Variants in PRKCA observed in about 807,000 individuals in gnomAD.
PRKCA encodes the protein protein kinase C alpha, also known as protein kinase C alpha type.
A neutral mutation model predicts 87.0 loss-of-function variants in PRKCA; 27 were observed. The observed-to-expected ratio is 0.31, with a 90% CI of 0.23 to 0.43. PRKCA has a LOEUF of 0.43. PRKCA is among the 20% of genes least tolerant of loss of function. The pLI is 1.00. For synonymous variants in PRKCA, 329 were observed against 311.1 expected (o/e 1.06, Z -0.61); for missense variants, 518 against 852.3 (o/e 0.61, Z 4.88).
intron 10 of PRKCA, among the ~76,000 whole-genome samples, chr17:66,735,892 ATTTCT>A (rs1398897879): frequency 1.3e-4 from 18 of 138,972 alleles, no homozygotes; most frequent in African/African-American, 4.2e-4. Flanking sequence ...TTCGGCAAAC[ATTTCT>A]TTTTCTTTTT....
At chr17:66,651,791 C>G (rs8076856) in intron 5 of PRKCA, among the ~76,000 whole-genome samples, 30,767 of 151,956 alleles carry the variant, frequency 0.2, 3,289 homozygotes, top group East Asian at 0.3. Flanking sequence ...TGTTGGTGAT[C>G]CTGCATTTGA....
chr17:66,561,144 C>T (rs962345048), intron 3 of PRKCA, among the ~76,000 whole-genome samples: 1 of 152,168 alleles, frequency 6.6e-6, no homozygotes, highest in Non-Finnish European at 1.5e-5. Context: ...TGTTAAATTA[C>T]ACTGATGGGA....
At chr17:66,355,399 G>A (rs2143448075) in intron 2 of PRKCA, among the ~76,000 whole-genome samples, 1 of 152,302 alleles carries the variant, frequency 6.6e-6, no homozygotes, top group African/African-American at 2.4e-5. Flanking sequence ...GCACCTGCTT[G>A]TGCAGTGGTG....
chr17:66,305,910 T>G (rs549662370), intron 1 of PRKCA, among the ~76,000 whole-genome samples, 186 bp from the exon 2 acceptor site: 12 of 152,188 alleles, frequency 7.9e-5, no homozygotes, highest in Non-Finnish European at 1.6e-4. Context: ...GGCAAGATTT[T>G]TTTCCCCCCA....
At position 66,685,672 on chromosome 17, in the gene PRKCA, C is replaced by A. The variant is rs9904025; in HGVS notation, c.530-1439C>A. ...AAAGGCAATGCCTGTCTCTGACTTC[C>A]GATCTTAGGGCTGTACCTCCCTCAT... is the stretch of plus-strand genomic sequence containing the variant. On this transcript the variant is annotated intron_variant, in intron 5 of 16. Coordinates refer to ENST00000413366, the MANE Select transcript of PRKCA (RefSeq NM_002737.3). Among the ~76,000 whole-genome samples the A allele has an allele frequency of 2.6e-5, 4 of 152,204 alleles. No homozygotes were observed. The East Asian group carries it at 5.8e-4, about 22-fold the overall frequency.
chr17:66,735,186 C>T (rs1315533188), intron 9 of PRKCA, among the ~76,000 whole-genome samples: 1 of 152,092 alleles, frequency 6.6e-6, no homozygotes. Context: ...TGCATTATTC[C>T]AGACTAATCC....
At chr17:66,592,345 A>AAAAAAAAAAAAG in intron 3 of PRKCA, among the ~76,000 whole-genome samples, 1 of 149,580 alleles carries the variant, frequency 6.7e-6, no homozygotes, top group African/African-American at 2.4e-5. Flanking sequence ...ATCCGTCTCA[A>AAAAAAAAAAAAG]AAAAAAAAAA....
At chr17:66,606,259 G>A (rs998585252) in intron 3 of PRKCA, among the ~76,000 whole-genome samples, 9 of 152,048 alleles carry the variant, frequency 5.9e-5, no homozygotes, top group Admixed American at 2.0e-4. Flanking sequence ...GTGGTGGCAC[G>A]TGCCTGTAAT....
At chr17:66,604,203 C>G (rs1970144242) in intron 3 of PRKCA, among the ~76,000 whole-genome samples, 1 of 151,852 alleles carries the variant, frequency 6.6e-6, no homozygotes, top group Admixed American at 6.6e-5. Context: ...GATAATAGCT[C>G]TAAATAAGAA....
intron 3 of PRKCA, among the ~76,000 whole-genome samples, chr17:66,521,912 T>C (rs1482251997): frequency 2.6e-5 from 4 of 152,218 alleles, no homozygotes; most frequent in African/African-American, 9.6e-5. Flanking sequence ...ATCTTCAGAA[T>C]ACAGAATGCT....
intron 6 of PRKCA, among the ~76,000 whole-genome samples, chr17:66,687,820 A>G (rs1972670093): frequency 6.6e-6 from 1 of 152,194 alleles, no homozygotes; most frequent in African/African-American, 2.4e-5. Flanking sequence ...TAAATAAATC[A>G]GGAGGACTGA....
At chr17:66,390,814 C>G (rs1267555416) in intron 2 of PRKCA, among the ~76,000 whole-genome samples, 1 of 152,186 alleles carries the variant, frequency 6.6e-6, no homozygotes, top group Non-Finnish European at 1.5e-5. Context: ...AGTTGGCAAA[C>G]AGCTCCACCA....
chr17:66,312,478 A>T (rs1288384175), intron 2 of PRKCA, among the ~76,000 whole-genome samples: 1 of 151,978 alleles, frequency 6.6e-6, no homozygotes, highest in Non-Finnish European at 1.5e-5. Flanking sequence ...GATAAGTCCA[A>T]CTCCTTAGCA....
chr17:66,460,307 T>A (rs34796136), intron 2 of PRKCA, among the ~76,000 whole-genome samples: 46,254 of 152,000 alleles, frequency 0.3, 7,298 homozygotes, highest in Middle Eastern at 0.44. Flanking sequence ...ACTATATGAT[T>A]ATGTATATTT....
intron 8 of PRKCA, among the ~76,000 whole-genome samples, chr17:66,706,650 AAG>A (rs1306816516): frequency 6.6e-6 from 1 of 151,886 alleles, no homozygotes. Context: ...AAAAAAAAAA[AAG>A]AGTGGTTTCA....
intron 2 of PRKCA, among the ~76,000 whole-genome samples, chr17:66,392,026 C>T (rs762246799): frequency 1.3e-5 from 2 of 152,058 alleles, no homozygotes; most frequent in Non-Finnish European, 2.9e-5. Context: ...GTCAGGAGAT[C>T]GAGACCATCC....
chr17:66,309,807 G>A (rs1057142711), intron 2 of PRKCA, among the ~76,000 whole-genome samples: 4 of 151,526 alleles, frequency 2.6e-5, no homozygotes, highest in Non-Finnish European at 5.9e-5. Flanking sequence ...TTTTTCCCCC[G>A]TCAGAGAAAG....
chr17:66,578,147 A>C (rs969954050), intron 3 of PRKCA, among the ~76,000 whole-genome samples: 4 of 151,518 alleles, frequency 2.6e-5, no homozygotes, highest in Admixed American at 1.3e-4. Context: ...AAACAAAACA[A>C]AACAAAACAA....
chr17:66,420,570 T>C (rs896078450), intron 2 of PRKCA, among the ~76,000 whole-genome samples: 2 of 152,198 alleles, frequency 1.3e-5, no homozygotes, highest in Non-Finnish European at 2.9e-5. Context: ...TTGCATGAGA[T>C]GATTTTACCC....
Sources: allele counts gnomAD v4.1 joint callset (sites outside exome capture counted in the v4.1 genomes callset), GRCh38; gene constraint gnomAD v4.1.1; transcripts MANE v1.5; gene names NCBI Gene and HGNC (gene_info 2026-07-23, HGNC 2026-07-21).